The following BATF variants were observed in gnomAD, a reference collection of about 807,000 sequenced individuals.
The protein encoded by BATF is basic leucine zipper transcriptional factor ATF-like.
A neutral mutation model predicts 13.7 loss-of-function variants in BATF; 5 were observed. The ratio of observed to expected loss-of-function variants is 0.36; its 90% CI spans 0.19 to 0.77. BATF has a LOEUF of 0.77. Among genes scored for constraint, BATF ranks in the 30% least tolerant of loss-of-function variants. The pLI, the probability that BATF is intolerant of heterozygous loss-of-function variation, is 0.51. For missense variants in BATF, 124 were observed against 163.0 expected, an observed-to-expected ratio of 0.76 and a Z score of 1.30; for synonymous variants, 72 against 67.5, an observed-to-expected ratio of 1.07 and a Z score of -0.33.
intron 1 of BATF, among the ~76,000 whole-genome samples, chr14:75,524,111 C>A (rs11849403): frequency 6.6e-6 from 1 of 152,128 alleles, no homozygotes; most frequent in African/African-American, 2.4e-5. Flanking sequence ...CTGTGGGAGA[C>A]GTGGAAGGGA....
chr14:75,541,594 G>C (rs1200949605), intron 2 of BATF, among the ~76,000 whole-genome samples: 1 of 152,158 alleles, frequency 6.6e-6, no homozygotes, highest in East Asian at 1.9e-4. Flanking sequence ...GTTGTGTGTG[G>C]GTCACCAAAA....
chr14:75,540,527 T>C (rs537017382), intron 2 of BATF, among the ~76,000 whole-genome samples: 1 of 152,230 alleles, frequency 6.6e-6, no homozygotes, highest in South Asian at 2.1e-4. Flanking sequence ...TGTCAAACAG[T>C]ATAACGTTTA....
At chr14:75,523,139 A>C (rs1483154594) in intron 1 of BATF, among the ~76,000 whole-genome samples, 1 of 152,018 alleles carries the variant, frequency 6.6e-6, no homozygotes. Context: ...TGCACAGCTC[A>C]AATCCTAGAT....
At chr14:75,545,702 G>A (rs191883102) in intron 2 of BATF, among the ~76,000 whole-genome samples, 534 of 152,028 alleles carry the variant, frequency 3.5e-3, no homozygotes, top group Non-Finnish European at 4.9e-3. Flanking sequence ...TCTCACAAAC[G>A]ACCTTCCATT....
chr14:75,539,236 G>A (rs1392966494), intron 2 of BATF, among the ~76,000 whole-genome samples: 2 of 152,068 alleles, frequency 1.3e-5, no homozygotes, highest in Admixed American at 6.5e-5. Flanking sequence ...GATGGGTGCC[G>A]AGCCTCTCGG....
In BATF at chr14:75,542,985, C is replaced by T. The variant is rs74966968; in HGVS notation, c.169-3477C>T. ...GTCAGAGTGGCCCTCCCTTCTGCCTCGGGGTTTGCCCAGGCTCTTCAGAGC... is the reference window on the plus strand; with the variant it reads ...GTCAGAGTGGCCCTCCCTTCTGCCTTGGGGTTTGCCCAGGCTCTTCAGAGC... On this transcript the variant is annotated intron_variant, in intron 2 of 2. Transcript: ENST00000286639. Among the ~76,000 whole-genome samples the T allele has an allele frequency of 7.4e-3, 1,130 of 152,280 alleles. 48 individuals are homozygous for T. The East Asian group carries it at 0.12, about 17-fold the overall frequency.
In BATF at chr14:75,545,455, G is replaced by A. The variant is rs577733237; in HGVS notation, c.169-1007G>A. Among the ~76,000 whole-genome samples, 190 of 140,340 alleles carry A rather than the reference G, an allele frequency of 1.4e-3. 3 individuals are homozygous for A. The highest frequency in any genetic ancestry group is 8.6e-3 in the Admixed American group (111 of 12,898). 92.1% of individuals were successfully genotyped at this position (140,340 alleles called of 152,430 possible). A position where few individuals can be genotyped will look rare whatever the true frequency, so the allele number is the denominator to read the frequency against. On this transcript the variant is annotated intron_variant, in intron 2 of 2. Coordinates refer to ENST00000286639, the MANE Select transcript of BATF (RefSeq NM_006399.5). ...TCACCATGTTGGCCAGGCTGGTCTC[G>A]AACTCCTGACTTCAGGTGATCCACC...
chr14:75,545,654 A>G (rs187083474), intron 2 of BATF, among the ~76,000 whole-genome samples: 33 of 152,256 alleles, frequency 2.2e-4, no homozygotes, highest in Admixed American at 1.3e-3. Flanking sequence ...AACACGTGGC[A>G]TAACACAGTG....
chr14:75,539,589 T>C (rs1887867264), intron 2 of BATF, among the ~76,000 whole-genome samples: 1 of 152,118 alleles, frequency 6.6e-6, no homozygotes, highest in South Asian at 2.1e-4. Flanking sequence ...GACCAGGCGA[T>C]AGCCTTTTCA....
At chr14:75,546,350 C>A in intron 2 of BATF, 112 bp from the exon 3 acceptor site, 1 of 1,051,054 alleles carries the variant, frequency 9.5e-7, no homozygotes, top group Non-Finnish European at 1.4e-6. Flanking sequence ...TGCCCTTCTC[C>A]ATGGCTGTGC....
intron 2 of BATF, among the ~76,000 whole-genome samples, chr14:75,525,924 T>A (rs1595002522): frequency 1.3e-5 from 2 of 152,336 alleles, no homozygotes; most frequent in Admixed American, 1.3e-4. Context: ...TGTACCAGAT[T>A]CCTCTTTTCA....
At chr14:75,543,469 C>T (rs956781889) in intron 2 of BATF, among the ~76,000 whole-genome samples, 8 of 152,262 alleles carry the variant, frequency 5.3e-5, no homozygotes, top group Admixed American at 1.3e-4. Context: ...AAGACCCCCC[C>T]CAGGATGTGG....
At chr14:75,528,473 G>A (rs1050870116) in intron 2 of BATF, among the ~76,000 whole-genome samples, 9 of 152,160 alleles carry the variant, frequency 5.9e-5, no homozygotes, top group Non-Finnish European at 1.2e-4. Context: ...TAGGGAGAGA[G>A]CCTCTTTTTA....
chr14:75,536,805 T>A (rs1032318330), intron 2 of BATF, among the ~76,000 whole-genome samples: 1 of 151,436 alleles, frequency 6.6e-6, no homozygotes, highest in Non-Finnish European at 1.5e-5. Flanking sequence ...GGGCATGTGG[T>A]GGGGACCCAA....
chr14:75,527,932 G>C (rs972591758), intron 2 of BATF, among the ~76,000 whole-genome samples: 2 of 152,250 alleles, frequency 1.3e-5, no homozygotes. Context: ...GCTTCAGGTA[G>C]AAGCTTTTGG....
chr14:75,546,395 T>C lies in BATF; in HGVS notation c.169-67T>C. 3.2e-6 allele frequency: 5 copies of C among 1,552,892 alleles called. No individual in the cohort carries two copies. In the South Asian group the frequency reaches 5.8e-5, roughly 18 times the overall value. On this transcript the variant is annotated intron_variant, in intron 2 of 2. Transcript: ENST00000286639. ...ACTAATCTGGCCCCTCCTGTGTCCC[T>C]CCGCACCCCACCCACCTTGCCTCCT...
chr14:75,544,947 GA>G (rs997795181), intron 2 of BATF, among the ~76,000 whole-genome samples: 4 of 152,098 alleles, frequency 2.6e-5, no homozygotes, highest in African/African-American at 9.7e-5. Flanking sequence ...CTGAGGATGG[GA>G]TTGCTTTTCC....
chr14:75,538,187 G>A lies in BATF; in HGVS notation c.169-8275G>A, dbSNP rs193108737. Among the ~76,000 whole-genome samples the A allele has an allele frequency of 5.0e-4, 76 of 152,180 alleles. 1 individual carries two copies. The highest frequency in any genetic ancestry group is 1.8e-4 in the Non-Finnish European group (12 of 68,016). On this transcript the variant is annotated intron_variant, in intron 2 of 2. Transcript: ENST00000286639. ...TTGCCCAGGCTGGTCTCAAACTTCC[G>A]GGCTCAAATGACCCTCCTGCCAAAG...
At chr14:75,531,278 G>T (rs959661553) in intron 2 of BATF, among the ~76,000 whole-genome samples, 3 of 152,190 alleles carry the variant, frequency 2.0e-5, no homozygotes, top group African/African-American at 7.2e-5. Context: ...TAGCCATCTT[G>T]GTTGGTTGGT....
Sources: gnomAD v4.1 joint callset for allele counts (sites outside exome capture counted in the v4.1 genomes callset) on GRCh38, gnomAD v4.1.1 for gene constraint, MANE v1.5 for transcripts, NCBI Gene and HGNC (gene_info 2026-07-23, HGNC 2026-07-21) for gene names.